PTPRK: variants seen among roughly 807,000 people sequenced by gnomAD.
The protein encoded by PTPRK is receptor-type tyrosine-protein phosphatase kappa.
PTPRK carries 75 observed loss-of-function variants against 178.0 expected under a neutral mutation model. The ratio of observed to expected loss-of-function variants is 0.42; its 90% CI spans 0.35 to 0.51. The LOEUF is 0.51. Ranked by LOEUF, PTPRK falls within the 20% of genes least tolerant of loss-of-function variation. PTPRK has a pLI of 0.02. For missense variants in PTPRK, 1,441 were observed against 1,797.8 expected (o/e 0.80, Z 3.59); for synonymous variants, 637 against 620.6 (o/e 1.03, Z -0.39).
At chr6:127,984,346 T>C (rs1775710546) in intron 22 of PTPRK, among the ~76,000 whole-genome samples, 1 of 152,212 alleles carries the variant, frequency 6.6e-6, no homozygotes, top group Admixed American at 6.5e-5. Flanking sequence ...TCTCACCATA[T>C]TTTGTGTCCT....
At position 128,194,366 on chromosome 6, in the gene PTPRK, G is replaced by A. The variant is rs984110076; in HGVS notation, c.869-9641C>T. ...CTCCCAAAGTGCTGGGATTACAGGC[G>A]TGAGCCACCGCGCCCGGCCAATTAT... On this transcript the variant is annotated intron_variant, in intron 6 of 29. Coordinates refer to ENST00000368226, the MANE Select transcript of PTPRK (RefSeq NM_002844.4). Among the ~76,000 whole-genome samples the A allele has an allele frequency of 5.9e-5, 9 of 152,096 alleles. No individual in the cohort carries two copies. The South Asian group carries it at 1.0e-3, about 18-fold the overall frequency.
intron 5 of PTPRK, chr6:128,232,110 C>T (rs1022922172): frequency 1.3e-5 from 2 of 152,198 alleles, no homozygotes. Flanking sequence ...CATGGTGAAC[C>T]TTCCACTTCA....
At chr6:128,299,317 T>C (rs1291173367) in intron 3 of PTPRK, among the ~76,000 whole-genome samples, 1 of 46 alleles carries the variant, frequency 0.022, no homozygotes, top group Admixed American at 0.17. Flanking sequence ...ATAGATTCAA[T>C]GCCATCCCCC....
chr6:128,164,142 G>A (rs953724598), intron 7 of PTPRK, among the ~76,000 whole-genome samples: 2 of 151,308 alleles, frequency 1.3e-5, no homozygotes, highest in African/African-American at 4.8e-5. Flanking sequence ...TGGCTAAACA[G>A]AAACTATTAC....
intron 1 of PTPRK, among the ~76,000 whole-genome samples, chr6:128,460,360 C>G (rs536838005): frequency 1.6e-4 from 25 of 152,054 alleles, no homozygotes; most frequent in African/African-American, 6.0e-4. Flanking sequence ...CCTAGCAACA[C>G]AGTGAGATCT....
At chr6:128,517,228 C>T (rs988474422) in intron 1 of PTPRK, among the ~76,000 whole-genome samples, 6 of 151,994 alleles carry the variant, frequency 3.9e-5, no homozygotes, top group Admixed American at 2.6e-4. Flanking sequence ...CAGTGCTTTA[C>T]AATTTACAGT....
At chr6:128,166,004 T>C (rs1181401967) in intron 7 of PTPRK, among the ~76,000 whole-genome samples, 1 of 151,702 alleles carries the variant, frequency 6.6e-6, no homozygotes, top group African/African-American at 2.4e-5. Context: ...TTCTTCTAGA[T>C]ATATGTAAGG....
chr6:128,321,751 G>T, intron 3 of PTPRK: 1 of 689,878 alleles, frequency 1.4e-6, no homozygotes, highest in South Asian at 1.6e-5. Context: ...ACAAATTTTG[G>T]ACCTAAACTT....
chr6:128,081,433 C>T (rs549944949), intron 10 of PTPRK, among the ~76,000 whole-genome samples: 99 of 151,900 alleles, frequency 6.5e-4, no homozygotes, highest in African/African-American at 2.2e-3. Flanking sequence ...ATACTCAACA[C>T]GTTTGCAAGT....
chr6:128,391,414 C>T (rs894644845), intron 2 of PTPRK, among the ~76,000 whole-genome samples: 3 of 152,152 alleles, frequency 2.0e-5, no homozygotes, highest in African/African-American at 7.2e-5. Context: ...AGTAAACCAA[C>T]ATTTTGGCCT....
chr6:128,196,525 C>A (rs903038003), intron 6 of PTPRK, among the ~76,000 whole-genome samples: 3 of 152,272 alleles, frequency 2.0e-5, no homozygotes, highest in Middle Eastern at 3.4e-3. Flanking sequence ...CTCACTTTCA[C>A]ACCTTAATGG....
intron 1 of PTPRK, among the ~76,000 whole-genome samples, chr6:128,445,406 C>T (rs1044663813): frequency 4.7e-5 from 7 of 149,140 alleles, no homozygotes; most frequent in South Asian, 2.1e-4. Flanking sequence ...ATAGCTGCTT[C>T]GTGACTTTTC....
chr6:128,089,160 C>T (rs951928945), intron 8 of PTPRK, among the ~76,000 whole-genome samples: 11 of 152,196 alleles, frequency 7.2e-5, no homozygotes, highest in African/African-American at 2.7e-4. Context: ...GACAGGGTTT[C>T]ATCACGTTGG....
chr6:128,159,945 G>A (rs1798461944), intron 7 of PTPRK, among the ~76,000 whole-genome samples: 1 of 151,588 alleles, frequency 6.6e-6, no homozygotes, highest in African/African-American at 2.4e-5. Context: ...GCAGGATTAT[G>A]TTTACTTACA....
chr6:128,102,813 A>C (rs959959171), intron 7 of PTPRK, among the ~76,000 whole-genome samples: 1 of 152,180 alleles, frequency 6.6e-6, no homozygotes, highest in African/African-American at 2.4e-5. Context: ...TTCCCTGGCC[A>C]AGCTTTCCTA....
chr6:128,401,829 T>C lies in PTPRK; in HGVS notation c.101-4141A>G, dbSNP rs181013998. Among the ~76,000 whole-genome samples the C allele has an allele frequency of 9.2e-5, 14 of 152,322 alleles. No individual in the cohort carries two copies. The East Asian group carries it at 2.7e-3, about 29-fold the overall frequency. On this transcript the variant is annotated intron_variant, in intron 1 of 29. Coordinates refer to ENST00000368226, the MANE Select transcript of PTPRK (RefSeq NM_002844.4). The stretch of plus-strand genomic sequence containing the variant: ...AAAGAAAGTCCAAGACAAAATAAGT[T>C]GGAAAATACAATATCCTTAGTAAAG...
intron 6 of PTPRK, among the ~76,000 whole-genome samples, chr6:128,217,638 C>T (rs1052358738): frequency 6.6e-6 from 1 of 152,084 alleles, no homozygotes; most frequent in Non-Finnish European, 1.5e-5. Context: ...ATATTTGATG[C>T]CAAGCATTAT....
At chr6:128,064,412 G>C (rs1468947041) in intron 13 of PTPRK, among the ~76,000 whole-genome samples, 1 of 152,330 alleles carries the variant, frequency 6.6e-6, no homozygotes, top group Non-Finnish European at 1.5e-5. Context: ...ACAATGGAAA[G>C]TAATAGAGGT....
intron 7 of PTPRK, among the ~76,000 whole-genome samples, chr6:128,122,517 A>G (rs1193588746): frequency 6.6e-6 from 1 of 152,186 alleles, no homozygotes; most frequent in Non-Finnish European, 1.5e-5. Flanking sequence ...TCTCTCTCTC[A>G]TGACTTTAAA....
Sources: gnomAD v4.1 joint callset for allele counts (sites outside exome capture counted in the v4.1 genomes callset) on GRCh38, gnomAD v4.1.1 for gene constraint, MANE v1.5 for transcripts, NCBI Gene and HGNC (gene_info 2026-07-23, HGNC 2026-07-21) for gene names.